Variants in RPS20 observed in about 807,000 individuals in gnomAD.
RPS20 encodes the protein ribosomal protein S20, also known as small ribosomal subunit protein uS10.
Under a neutral mutation model 15.3 loss-of-function variants are expected in RPS20, and 3 were observed. That is an observed-to-expected ratio of 0.20 (90% CI 0.09 to 0.51). The LOEUF (loss-of-function observed/expected upper bound fraction) is 0.51. RPS20 is among the 20% of genes least tolerant of loss of function. The probability of loss-of-function intolerance (pLI) is 0.96; values close to 1 mark genes in which losing one functional copy is unlikely to be tolerated. For missense variants in RPS20, 67 were observed against 145.9 expected (o/e 0.46, Z 2.79); for synonymous variants, 62 against 47.8 (o/e 1.30, Z -1.23).
chr8:56,072,944 G>A, downstream of RPS20: 2 of 1,415,022 alleles, frequency 1.4e-6, no homozygotes, highest in Non-Finnish European at 1.8e-6. Context: ...AACGAAAACA[G>A]GATAGACCAC....
intron 2 of RPS20, 134 bp from the exon 3 acceptor site, chr8:56,073,902 G>A (rs1358870825): frequency 2.8e-6 from 3 of 1,084,054 alleles, no homozygotes; most frequent in Non-Finnish European, 4.3e-6. Context: ...CTCATCGCCA[G>A]CTGTATGACA....
At chr8:56,070,508 G>T (rs1809722142), downstream of RPS20, among the ~76,000 whole-genome samples, 1 of 152,030 alleles carries the variant, frequency 6.6e-6, no homozygotes, top group Non-Finnish European at 1.5e-5. Context: ...GGCCGAGGAG[G>T]GTGGATCGCC....
downstream of RPS20, among the ~76,000 whole-genome samples, chr8:56,070,284 G>A (rs1030469150): frequency 5.9e-5 from 9 of 152,102 alleles, no homozygotes; most frequent in Non-Finnish European, 1.0e-4. Context: ...CATAACTGAG[G>A]CTCAAAGTCA....
At chr8:56,069,771 A>G (rs1305483143), downstream of RPS20, 1 of 1,551,444 alleles carries the variant, frequency 6.4e-7, no homozygotes, top group South Asian at 1.2e-5. Context: ...ATTCGAATAC[A>G]CTTCTCAAAG....
chr8:56,071,365 T>C (rs1448970304), downstream of RPS20, among the ~76,000 whole-genome samples: 2 of 152,228 alleles, frequency 1.3e-5, no homozygotes, highest in Non-Finnish European at 2.9e-5. Flanking sequence ...TATTGATAGG[T>C]ATTCCATTTT....
downstream of RPS20, chr8:56,072,854 C>G (rs116472667): frequency 5.7e-3 from 6,966 of 1,220,546 alleles, 153 homozygotes; most frequent in African/African-American, 0.062. Flanking sequence ...AAGTTATAAA[C>G]TGCCAGTGTC....
downstream of RPS20, chr8:56,068,263 T>A (rs1318289906): frequency 8.5e-5 from 13 of 152,100 alleles, no homozygotes; most frequent in Admixed American, 5.2e-4. Context: ...GATAAGAAAG[T>A]CAAGGAAATA....
downstream of RPS20, among the ~76,000 whole-genome samples, chr8:56,071,388 T>G (rs1161280962): frequency 6.6e-6 from 1 of 152,238 alleles, no homozygotes; most frequent in East Asian, 1.9e-4. Context: ...AATGGTCTTA[T>G]TAACTGATAG....
chr8:56,068,774 T>A (rs1310273766), downstream of RPS20, among the ~76,000 whole-genome samples: 1 of 135,752 alleles, frequency 7.4e-6, no homozygotes, highest in Non-Finnish European at 1.6e-5. Flanking sequence ...TTTCTTAAAA[T>A]TAAAAATTTC....
rs139234535 is a variant in RPS20, at chr8:56,074,473, C to A, written c.-90G>T. The A allele has an allele frequency of 7.8e-4, 1,123 of 1,435,934 alleles. 7 individuals carry two copies. Among genetic ancestry groups the A allele is most frequent in the Middle Eastern group, 1.2e-3 (5 of 4,236 alleles). 88.9% of individuals were successfully genotyped at this position (1,435,934 alleles called of 1,614,324 possible). A position where few individuals can be genotyped will look rare whatever the true frequency, so the allele number is the denominator to read the frequency against. ...GAGCAGGAGCGTGCGGACCAAAAAT[C>A]CTCAGCCCTTACGACCGCGTCTTCC... On this transcript the variant is annotated 5_prime_UTR_variant, in exon 1 of 4. Transcript: ENST00000009589.
At chr8:56,071,070 T>C (rs373979062), downstream of RPS20, among the ~76,000 whole-genome samples, 178 of 152,372 alleles carry the variant, frequency 1.2e-3, 3 homozygotes, top group South Asian at 0.034. Flanking sequence ...TTTTTAGTGC[T>C]ATTTTAGCTG....
At chr8:56,069,591 G>A (rs1228820970), downstream of RPS20, 4 of 781,194 alleles carry the variant, frequency 5.1e-6, no homozygotes, top group East Asian at 2.7e-5. Context: ...GAGCCACCCC[G>A]CCCAGCCATA....
rs1000882533 is a variant in RPS20 at position 56,074,469 on chromosome 8, A to G, written c.-86T>C. 2 of 1,459,564 alleles carry G rather than the reference A, an allele frequency of 1.4e-6. No homozygotes were observed. Among genetic ancestry groups the G allele is most frequent in the Non-Finnish European group, 1.8e-6 (2 of 1,082,960 alleles). The allele number at this position is 1,459,564 out of a possible 1,614,324, so 90.4% of individuals were successfully genotyped here. ...TCAGGAGCAGGAGCGTGCGGACCAA[A>G]AATCCTCAGCCCTTACGACCGCGTC... is the stretch of plus-strand genomic sequence containing the variant. On this transcript the variant is annotated 5_prime_UTR_variant, in exon 1 of 4. Transcript: ENST00000009589.
downstream of RPS20, among the ~76,000 whole-genome samples, chr8:56,069,004 G>C (rs1638918808): frequency 6.6e-6 from 1 of 151,264 alleles, no homozygotes; most frequent in African/African-American, 2.4e-5. Context: ...CACCATGTTG[G>C]TCAGGCTGGT....
At chr8:56,074,354 G>C in intron 1 of RPS20, 27 bp downstream of exon 1, 1 of 1,548,960 alleles carries the variant, frequency 6.5e-7, no homozygotes, top group Non-Finnish European at 8.7e-7. Flanking sequence ...CCTGCGTTGC[G>C]CCGCCCGCCG....
At chr8:56,071,943 T>A (rs925246799), downstream of RPS20, among the ~76,000 whole-genome samples, 1 of 152,186 alleles carries the variant, frequency 6.6e-6, no homozygotes, top group African/African-American at 2.4e-5. Flanking sequence ...AGGGTATCTA[T>A]CTGATTTTAA....
At chr8:56,068,180 G>A (rs970834798), downstream of RPS20, 1 of 152,106 alleles carries the variant, frequency 6.6e-6, no homozygotes, top group African/African-American at 2.4e-5. Context: ...GTGTATGTTT[G>A]AAATTTTCCA....
At chr8:56,070,231 T>C (rs547351514), downstream of RPS20, among the ~76,000 whole-genome samples, 2 of 152,312 alleles carry the variant, frequency 1.3e-5, no homozygotes, top group African/African-American at 2.4e-5. Flanking sequence ...TGAACACCCA[T>C]ATATGCATTT....
intron 1 of RPS20, 74 bp downstream of exon 1, chr8:56,074,307 C>G: frequency 6.5e-7 from 1 of 1,546,310 alleles, no homozygotes; most frequent in Admixed American, 1.9e-5. Context: ...CCCTCAGGAG[C>G]ACGAACTCGA....
Sources: allele counts gnomAD v4.1 joint callset (sites outside exome capture counted in the v4.1 genomes callset), GRCh38; gene constraint gnomAD v4.1.1; transcripts MANE v1.5; gene names NCBI Gene and HGNC (gene_info 2026-07-23, HGNC 2026-07-21).